The following TMEM132B variants were observed in gnomAD, a reference collection of about 807,000 sequenced individuals.
TMEM132B encodes the protein transmembrane protein 132B.
Under a neutral mutation model 90.8 loss-of-function variants are expected in TMEM132B, and 18 were observed. The observed-to-expected ratio is 0.20, with a 90% CI of 0.14 to 0.29. TMEM132B has a LOEUF of 0.29. Among genes scored for constraint, TMEM132B ranks in the 10% least tolerant of loss-of-function variants. TMEM132B has a pLI of 1.00. For synonymous variants in TMEM132B, 504 were observed against 523.3 expected (o/e 0.96, Z 0.50); for missense variants, 1,096 against 1,326.8 (o/e 0.83, Z 2.70).
At chr12:125,630,025 G>A (rs1395109597) in intron 5 of TMEM132B, among the ~76,000 whole-genome samples, 6 of 152,016 alleles carry the variant, frequency 3.9e-5, no homozygotes, top group Non-Finnish European at 5.9e-5. Flanking sequence ...CTAATGTATT[G>A]TTGAATTCAG....
chr12:125,599,700 G>T (rs908553476), intron 5 of TMEM132B, among the ~76,000 whole-genome samples: 1 of 152,112 alleles, frequency 6.6e-6, no homozygotes, highest in Non-Finnish European at 1.5e-5. Context: ...GATGTTAAAG[G>T]TTCGAATGTG....
At chr12:125,393,063 AAGAG>A (rs1471617263) in intron 2 of TMEM132B, among the ~76,000 whole-genome samples, 1 of 152,212 alleles carries the variant, frequency 6.6e-6, no homozygotes, top group Non-Finnish European at 1.5e-5. Flanking sequence ...ATGTCAGTAA[AAGAG>A]AGAGGCATAA....
chr12:125,463,987 A>T (rs551679175), intron 3 of TMEM132B, among the ~76,000 whole-genome samples: 29 of 152,264 alleles, frequency 1.9e-4, no homozygotes, highest in African/African-American at 7.0e-4. Flanking sequence ...ATCAGCTCTC[A>T]TGAGAATTCC....
Position 125,507,011 on chromosome 12 carries a change from A to G in TMEM132B, c.1107-12428A>G, listed in dbSNP as rs116920837. On this transcript the variant is annotated intron_variant, in intron 3 of 8. Coordinates refer to ENST00000682704, the MANE Select transcript of TMEM132B (RefSeq NM_001366854.1). ...GCAGAGGGAAACTCCTTTGCAGGAA[A>G]ATTGCCAAACAGAAATTTCCTCATG... Among the ~76,000 whole-genome samples the G allele has an allele frequency of 8.6e-4, 131 of 152,368 alleles. 2 individuals carry two copies. Among genetic ancestry groups the G allele is most frequent in the Non-Finnish European group, 5.4e-4 (37 of 68,030 alleles).
chr12:125,340,682 G>A (rs548183536), intron 1 of TMEM132B, among the ~76,000 whole-genome samples: 13 of 152,312 alleles, frequency 8.5e-5, no homozygotes, highest in Middle Eastern at 3.4e-3. Context: ...TGCCTGGTTT[G>A]GGAAGAAAGC....
intron 2 of TMEM132B, among the ~76,000 whole-genome samples, chr12:125,411,788 C>T (rs1321547404): frequency 6.6e-6 from 1 of 152,142 alleles, no homozygotes; most frequent in Non-Finnish European, 1.5e-5. Context: ...TTGGTCTTTC[C>T]TCTGCTTGTC....
intron 2 of TMEM132B, among the ~76,000 whole-genome samples, chr12:125,399,483 A>ATG (rs1555246075): frequency 0.029 from 2,006 of 69,890 alleles, 18 homozygotes; most frequent in Middle Eastern, 0.046. Context: ...GTGTGTGTGT[A>ATG]TGTGTGTGTG....
At chr12:125,409,465 G>C (rs999301165) in intron 2 of TMEM132B, among the ~76,000 whole-genome samples, 1 of 152,146 alleles carries the variant, frequency 6.6e-6, no homozygotes, top group African/African-American at 2.4e-5. Flanking sequence ...TTGAGGGGGG[G>C]CAACACTCCT....
At chr12:125,622,328 G>A (rs1198628243) in intron 5 of TMEM132B, 2 of 238,210 alleles carry the variant, frequency 8.4e-6, no homozygotes, top group Non-Finnish European at 1.4e-5. Flanking sequence ...TATGTTAGAT[G>A]TGATTATCTT....
chr12:125,488,692 T>A (rs532659551), intron 3 of TMEM132B, among the ~76,000 whole-genome samples: 8 of 152,338 alleles, frequency 5.3e-5, no homozygotes, highest in African/African-American at 1.9e-4. Flanking sequence ...CAGTCTTAGA[T>A]ATGTCTTTAT....
intron 5 of TMEM132B, among the ~76,000 whole-genome samples, chr12:125,618,215 G>C (rs1425402307): frequency 6.6e-6 from 1 of 152,154 alleles, no homozygotes; most frequent in Non-Finnish European, 1.5e-5. Context: ...TCCCAAATTG[G>C]AACTTATGGC....
At chr12:125,444,205 T>C (rs1433795098) in intron 3 of TMEM132B, among the ~76,000 whole-genome samples, 2 of 152,238 alleles carry the variant, frequency 1.3e-5, no homozygotes, top group East Asian at 3.8e-4. Context: ...ATTCTTTATG[T>C]TACTTTGTGC....
chr12:125,548,593 G>A (rs1034628718), intron 4 of TMEM132B, among the ~76,000 whole-genome samples: 3 of 152,224 alleles, frequency 2.0e-5, no homozygotes, highest in Non-Finnish European at 4.4e-5. Context: ...CCAGGAACAG[G>A]CGAAAGGCTG....
chr12:125,228,281 C>T (rs975348346), intron 1 of TMEM132B, among the ~76,000 whole-genome samples: 1 of 152,158 alleles, frequency 6.6e-6, no homozygotes, highest in Non-Finnish European at 1.5e-5. Flanking sequence ...CTCTTCACCC[C>T]GCTGCCCTCG....
At chr12:125,546,372 C>T (rs563701731) in intron 4 of TMEM132B, among the ~76,000 whole-genome samples, 16 of 151,948 alleles carry the variant, frequency 1.1e-4, no homozygotes, top group African/African-American at 2.9e-4. Context: ...TTAGTAGAGA[C>T]GGGGTTTCAC....
chr12:125,644,809 C>T (rs993191820), intron 6 of TMEM132B, among the ~76,000 whole-genome samples: 2 of 152,110 alleles, frequency 1.3e-5, no homozygotes, highest in African/African-American at 2.4e-5. Context: ...ACAACTTGTA[C>T]CTGTGTGACA....
intron 1 of TMEM132B, among the ~76,000 whole-genome samples, chr12:125,206,535 G>C (rs2136062216): frequency 1.3e-5 from 2 of 152,236 alleles, no homozygotes; most frequent in Middle Eastern, 3.4e-3. Context: ...ACTGCCCCTG[G>C]TCTGATTGAT....
intron 1 of TMEM132B, among the ~76,000 whole-genome samples, chr12:125,276,065 A>G (rs1177818158): frequency 6.6e-6 from 1 of 152,190 alleles, no homozygotes; most frequent in Non-Finnish European, 1.5e-5. Context: ...ACATCTTCTC[A>G]GTATCCATGG....
At chr12:125,611,985 A>C (rs896493339) in intron 5 of TMEM132B, among the ~76,000 whole-genome samples, 1 of 152,086 alleles carries the variant, frequency 6.6e-6, no homozygotes, top group African/African-American at 2.4e-5. Context: ...TGTCCTACTC[A>C]TCGTGAAAGT....
Sources: gnomAD v4.1 joint callset for allele counts (sites outside exome capture counted in the v4.1 genomes callset) on GRCh38, gnomAD v4.1.1 for gene constraint, MANE v1.5 for transcripts, NCBI Gene and HGNC (gene_info 2026-07-23, HGNC 2026-07-21) for gene names.